Variants in ETS1 observed in about 807,000 individuals in gnomAD.
The protein encoded by ETS1 is ETS proto-oncogene 1, transcription factor.
A neutral mutation model predicts 58.6 loss-of-function variants in ETS1; 15 were observed. The ratio of observed to expected loss-of-function variants is 0.26; its 90% CI spans 0.17 to 0.39. The LOEUF is 0.39. Ranked by LOEUF, ETS1 falls within the 10% of genes least tolerant of loss-of-function variation. The pLI is 1.00. For synonymous variants in ETS1, 214 were observed against 218.2 expected (o/e 0.98, Z 0.17); for missense variants, 417 against 610.5 (o/e 0.68, Z 3.34).
At chr11:128,559,992 T>C (rs1424454790) in intron 2 of ETS1, among the ~76,000 whole-genome samples, 2 of 152,224 alleles carry the variant, frequency 1.3e-5, no homozygotes, top group Non-Finnish European at 2.9e-5. Context: ...CTGCCACATG[T>C]TTAAGAAAAC....
In ETS1 at chr11:128,507,652, G is replaced by T. The variant is rs183982461; in HGVS notation, c.215-17076C>A. ...CTTAGGGGAAGCCTGCTAGAACTGCGATGGCCATTTTCTGGGGACAGGAGG... is the reference window on the plus strand; with the variant it reads ...CTTAGGGGAAGCCTGCTAGAACTGCTATGGCCATTTTCTGGGGACAGGAGG... On this transcript the variant is annotated intron_variant, in intron 3 of 9. Coordinates refer to ENST00000392668, the MANE Select transcript of ETS1 (RefSeq NM_001143820.2). Among the ~76,000 whole-genome samples, 678 of 152,262 alleles carry T rather than the reference G, an allele frequency of 4.5e-3. 4 individuals are homozygous for T. The highest frequency in any genetic ancestry group is 7.0e-3 in the Non-Finnish European group (476 of 68,000).
At chr11:128,569,318 C>CTTTTTTCTTTTTTTTTTTTTTT (rs1864575323) in intron 2 of ETS1, among the ~76,000 whole-genome samples, 2 of 39,458 alleles carry the variant, frequency 5.1e-5, no homozygotes, top group African/African-American at 1.1e-4. Flanking sequence ...AGAGTTTCTT[C>CTTTTTTCTTTTTTTTTTTTTTT]TTTTTTTTTT....
chr11:128,570,984 G>A (rs1200104346), intron 2 of ETS1, among the ~76,000 whole-genome samples: 5 of 152,004 alleles, frequency 3.3e-5, no homozygotes, highest in Admixed American at 1.3e-4. Context: ...AAAAGTAAAC[G>A]GTGCTTACAT....
chr11:128,521,532 G>A (rs1016264185), intron 3 of ETS1, among the ~76,000 whole-genome samples: 3 of 152,196 alleles, frequency 2.0e-5, no homozygotes, highest in Non-Finnish European at 2.9e-5. Flanking sequence ...CGTGGAGTCA[G>A]GCGATGATGT....
chr11:128,576,787 C>G (rs1436567960), intron 1 of ETS1, among the ~76,000 whole-genome samples: 1 of 151,966 alleles, frequency 6.6e-6, no homozygotes, highest in Non-Finnish European at 1.5e-5. Flanking sequence ...TGCCAGGTCT[C>G]ACTCCCCTGC....
At position 128,462,413 on chromosome 11, in the gene ETS1, G is replaced by C. The variant is rs1347332570; in HGVS notation, c.1406C>G (p.Thr469Ser). 4.3e-6 allele frequency: 7 copies of C among 1,614,094 alleles called. No individual in the cohort carries two copies. Among genetic ancestry groups the C allele is most frequent in the Middle Eastern group, 3.3e-4 (2 of 6,084 alleles). Residue 469 changes from threonine to serine, a missense_variant, in exon 10 of 10, where the codon ACC (threonine) becomes AGC (serine). This residue lies in a region of ETS1 where 56 missense variants were observed against 156.1 expected (regional missense o/e 0.36). Transcript: ENST00000392668. ...CAGCATGGCGTGCAGCTCCTCAGGGGTGTACCCCAGCAGGCTCTGCAGGTC... is the reference window on the plus strand; with the variant it reads ...CAGCATGGCGTGCAGCTCCTCAGGGCTGTACCCCAGCAGGCTCTGCAGGTC... ...VCDLQSLLGYTPEELHAMLDV... is the reference protein window; with the variant it reads ...VCDLQSLLGYSPEELHAMLDV...
intron 5 of ETS1, among the ~76,000 whole-genome samples, chr11:128,486,408 C>G (rs1477060084): frequency 6.6e-6 from 1 of 151,906 alleles, no homozygotes; most frequent in Non-Finnish European, 1.5e-5. Flanking sequence ...TGAGTAATCT[C>G]TAAGGGCTCA....
intron 3 of ETS1, among the ~76,000 whole-genome samples, chr11:128,533,344 G>A (rs944297693): frequency 6.6e-6 from 1 of 152,194 alleles, no homozygotes; most frequent in African/African-American, 2.4e-5. Context: ...GCAAGATGCA[G>A]CCAAGGTGGC....
intron 3 of ETS1, among the ~76,000 whole-genome samples, chr11:128,522,631 G>A (rs1429503746): frequency 5.3e-5 from 8 of 152,242 alleles, no homozygotes; most frequent in Non-Finnish European, 1.0e-4. Flanking sequence ...CGGGTGTGCA[G>A]GCTGGGTGCA....
chr11:128,553,764 A>G (rs1375181130), intron 3 of ETS1, among the ~76,000 whole-genome samples: 2 of 151,732 alleles, frequency 1.3e-5, no homozygotes, highest in Admixed American at 1.3e-4. Flanking sequence ...AGGCTTGCTC[A>G]TTCCTTGATG....
At position 128,462,118 on chromosome 11, in the gene ETS1, C is replaced by A; in HGVS notation, c.*243G>T. The A allele has an allele frequency of 2.0e-6, 1 of 501,352 alleles. No homozygotes were observed. Among genetic ancestry groups the A allele is most frequent in the South Asian group, 3.0e-5 (1 of 33,410 alleles). 31.1% of individuals were successfully genotyped at this position (501,352 alleles called of 1,614,324 possible). On this transcript the variant is annotated 3_prime_UTR_variant, in exon 10 of 10. Coordinates refer to ENST00000392668, the MANE Select transcript of ETS1 (RefSeq NM_001143820.2). ...AGAGCCTTCAAGCTTCTGAGAAGGC[C>A]CTTCTCCCTCTCCTGAAAATTTGCT...
At chr11:128,503,492 C>A (rs1174607870) in intron 3 of ETS1, among the ~76,000 whole-genome samples, 2 of 152,180 alleles carry the variant, frequency 1.3e-5, no homozygotes, top group Admixed American at 1.3e-4. Context: ...ATAATGTGCA[C>A]AAGCCCATAA....
intron 3 of ETS1, among the ~76,000 whole-genome samples, chr11:128,506,164 C>T (rs1425146765): frequency 2.6e-5 from 4 of 152,084 alleles, no homozygotes; most frequent in Admixed American, 1.3e-4. Context: ...CATGGGGCTT[C>T]TTTTGGGAGT....
At chr11:128,487,898 A>G (rs1190270048) in intron 5 of ETS1, among the ~76,000 whole-genome samples, 1 of 152,166 alleles carries the variant, frequency 6.6e-6, no homozygotes, top group Non-Finnish European at 1.5e-5. Context: ...AGTTATTTTG[A>G]TAATCCAAAG....
chr11:128,507,439 C>T (rs1863271252), intron 3 of ETS1, among the ~76,000 whole-genome samples: 1 of 152,198 alleles, frequency 6.6e-6, no homozygotes. Flanking sequence ...CCTTGGCAGC[C>T]GGCTCAGTGC....
chr11:128,491,940 C>A (rs1185713231), intron 3 of ETS1, among the ~76,000 whole-genome samples: 1 of 152,218 alleles, frequency 6.6e-6, no homozygotes, highest in Non-Finnish European at 1.5e-5. Context: ...CCTGTATTTG[C>A]AGACCATGTT....
chr11:128,494,018 T>C (rs1268376326), intron 3 of ETS1, among the ~76,000 whole-genome samples: 1 of 152,228 alleles, frequency 6.6e-6, no homozygotes, highest in African/African-American at 2.4e-5. Flanking sequence ...CATCACCTAT[T>C]ATAATATTTT....
At chr11:128,466,539 C>T (rs1006933928) in intron 8 of ETS1, among the ~76,000 whole-genome samples, 1 of 152,130 alleles carries the variant, frequency 6.6e-6, no homozygotes, top group South Asian at 2.1e-4. Flanking sequence ...TCCTTTTCTA[C>T]CAGTGCATTT....
chr11:128,586,265 C>T (rs1444030006), intron 1 of ETS1, among the ~76,000 whole-genome samples: 1 of 152,176 alleles, frequency 6.6e-6, no homozygotes, highest in Non-Finnish European at 1.5e-5. Context: ...CACTACTGAA[C>T]ACATGAAAAG....
Sources: gnomAD v4.1 joint callset for allele counts (sites outside exome capture counted in the v4.1 genomes callset) on GRCh38, gnomAD v4.1.1 for gene constraint, gnomAD v4.1.1 regional missense constraint, MANE v1.5 for transcripts, NCBI Gene and HGNC (gene_info 2026-07-23, HGNC 2026-07-21) for gene names.